Variants in ERCC3 observed in about 807,000 individuals in gnomAD.
The protein encoded by ERCC3 is general transcription and DNA repair factor IIH helicase/translocase subunit XPB.
Under a neutral mutation model 94.2 loss-of-function variants are expected in ERCC3, and 66 were observed. The ratio of observed to expected loss-of-function variants is 0.70; its 90% CI spans 0.57 to 0.86. The LOEUF (loss-of-function observed/expected upper bound fraction) is 0.86, where lower values mean the gene tolerates loss of function less well. ERCC3 is among the 40% of genes least tolerant of loss of function. ERCC3 has a pLI of 0.00. For missense variants in ERCC3, 829 were observed against 987.1 expected, an observed-to-expected ratio of 0.84 and a Z score of 2.15; for synonymous variants, 349 against 369.1, an observed-to-expected ratio of 0.95 and a Z score of 0.63.
chr2:127,287,356 GCCACGGTGGCTCAT>G (rs1315948247), intron 7 of ERCC3, among the ~76,000 whole-genome samples: 2 of 152,110 alleles, frequency 1.3e-5, no homozygotes, highest in African/African-American at 2.4e-5. Context: ...GAGCCACCAT[GCCACGGTGGCTCAT>G]ACCTGTAATC....
At chr2:127,272,827 G>T in intron 11 of ERCC3, 38 bp downstream of exon 11, 1 of 1,284,238 alleles carries the variant, frequency 7.8e-7, no homozygotes, top group Non-Finnish European at 1.1e-6. Context: ...TCCCCAGAGT[G>T]CTAGGGGCCT....
Position 127,294,110 on chromosome 2 carries a change from C to A in ERCC3, c.-29G>T. The stretch of plus-strand genomic sequence containing the variant: ...AGCTACAGCAGCAGAGAGAAGATGA[C>A]CCCGCTCCCACAGGCCCGCCGCGGC... On this transcript the variant is annotated 5_prime_UTR_variant, in exon 1 of 15. Transcript: ENST00000285398. The A allele has an allele frequency of 6.2e-7, 1 of 1,604,444 alleles. No homozygotes were observed. Among genetic ancestry groups the A allele is most frequent in the Non-Finnish European group, 8.5e-7 (1 of 1,178,828 alleles).
chr2:127,265,174 C>G (rs191938974), intron 12 of ERCC3, among the ~76,000 whole-genome samples: 2 of 152,048 alleles, frequency 1.3e-5, no homozygotes, highest in Admixed American at 6.6e-5. Flanking sequence ...ATTACTGATT[C>G]AATTTCTCCT....
In ERCC3 at chr2:127,259,555, A is replaced by G; in HGVS notation, c.2065-107T>C. On this transcript the variant is annotated intron_variant, in intron 13 of 14. Transcript: ENST00000285398. This position sits in a 1 kb window ranked among gnomAD's most constrained non-coding sequence, Gnocchi z 4.9. ...TTTGGTCACTTCCCTCCCCAGGCCC[A>G]GCCACCCTGGTGGCCAACAATGGAG... 6.8e-7 allele frequency: 1 copy of G among 1,479,526 alleles called. No homozygotes were observed. Among genetic ancestry groups the G allele is most frequent in the South Asian group, 1.1e-5 (1 of 88,034 alleles). 91.6% of individuals were successfully genotyped at this position (1,479,526 alleles called of 1,614,324 possible). A position where few individuals can be genotyped will look rare whatever the true frequency, so the allele number is the denominator to read the frequency against.
intron 3 of ERCC3, chr2:127,290,558 C>T (rs1271361335): frequency 6.2e-6 from 3 of 481,968 alleles, no homozygotes; most frequent in Admixed American, 3.2e-5. Flanking sequence ...TCTCTATTCC[C>T]ACAGCCCCCA....
intron 12 of ERCC3, among the ~76,000 whole-genome samples, chr2:127,269,424 T>TC (rs1480790378): frequency 6.8e-6 from 1 of 147,382 alleles, no homozygotes; most frequent in East Asian, 2.0e-4. Context: ...TCACTTTTTT[T>TC]TTTTTTTTTT....
chr2:127,265,562 G>A (rs1327940848), intron 12 of ERCC3, among the ~76,000 whole-genome samples: 3 of 152,152 alleles, frequency 2.0e-5, no homozygotes, highest in Non-Finnish European at 4.4e-5. Context: ...GGGATTACAA[G>A]CATGCGCCAC....
Position 127,258,516 on chromosome 2 carries a change from C to A in ERCC3, c.2217+780G>T, listed in dbSNP as rs186277931. 2.0e-5 allele frequency among the ~76,000 whole-genome samples: 3 copies of A among 152,132 alleles called. No individual in the cohort carries two copies. The highest frequency in any genetic ancestry group is 4.4e-5 in the Non-Finnish European group (3 of 68,010). The stretch of plus-strand genomic sequence containing the variant: ...GCAATGAGAGCACTCTCCTGGGTTC[C>A]CATGGAGAGTGCCCCCTGGGTCGGG... On this transcript the variant is annotated intron_variant, in intron 14 of 14. Transcript: ENST00000285398. The surrounding 1 kb of genome is among the most constrained non-coding windows in gnomAD (Gnocchi z 4.1).
intron 10 of ERCC3, among the ~76,000 whole-genome samples, chr2:127,276,971 G>A (rs765410050): frequency 1.3e-5 from 2 of 152,120 alleles, no homozygotes; most frequent in South Asian, 2.1e-4. Context: ...GTATAAAGTC[G>A]AGTAAAGACA....
intron 8 of ERCC3, among the ~76,000 whole-genome samples, chr2:127,282,534 T>C (rs2104764842): frequency 6.6e-6 from 1 of 152,278 alleles, no homozygotes; most frequent in Non-Finnish European, 1.5e-5. Flanking sequence ...TTTTGAAAAA[T>C]CTGTAAAACA....
intron 10 of ERCC3, among the ~76,000 whole-genome samples, chr2:127,276,515 A>G (rs566285159): frequency 6.6e-6 from 1 of 152,350 alleles, no homozygotes; most frequent in East Asian, 1.9e-4. Flanking sequence ...AAACAAAACA[A>G]GAACAGTTAC....
chr2:127,285,183 A>G (rs1685026339), intron 8 of ERCC3, among the ~76,000 whole-genome samples: 1 of 152,240 alleles, frequency 6.6e-6, no homozygotes. Flanking sequence ...AAGCAAATCT[A>G]TAGTGACAGC....
At position 127,280,549 on chromosome 2, in the gene ERCC3, G is replaced by C. The variant is rs2104761994; in HGVS notation, c.1425C>G (p.Asp475Glu). 1 of 1,614,188 alleles carries C rather than the reference G, an allele frequency of 6.2e-7. No homozygotes were observed. The highest frequency in any genetic ancestry group is 8.5e-7 in the Non-Finnish European group (1 of 1,180,024). ...TCAGAAAATTTAAATCCACAATTTT[G>C]TCATCTTCGCGGACGAGGGTCGCAG... Reference protein sequence around the residue: ...GLTATLVREDDKIVDLNFLIG... With the variant: ...GLTATLVREDEKIVDLNFLIG... Residue 475 changes from aspartate (D) to glutamate (E), a missense_variant, in exon 9 of 15, where the codon GAC becomes GAG. Coordinates refer to ENST00000285398, the MANE Select transcript of ERCC3 (RefSeq NM_000122.2). The surrounding 1 kb of genome is among the most constrained non-coding windows in gnomAD (Gnocchi z 6.3).
intron 12 of ERCC3, among the ~76,000 whole-genome samples, chr2:127,263,962 G>A (rs865876785): frequency 2.6e-5 from 4 of 151,936 alleles, no homozygotes; most frequent in South Asian, 2.1e-4. Flanking sequence ...CGCCCACCTC[G>A]GCCTCCCAAA....
intron 7 of ERCC3, among the ~76,000 whole-genome samples, chr2:127,287,348 G>A (rs1233308018): frequency 1.3e-5 from 2 of 152,004 alleles, no homozygotes; most frequent in African/African-American, 4.8e-5. Flanking sequence ...ACCTGGCTGA[G>A]CCACCATGCC....
intron 6 of ERCC3, 106 bp downstream of exon 6, chr2:127,289,231 G>T: frequency 1.0e-6 from 1 of 994,278 alleles, no homozygotes; most frequent in Non-Finnish European, 1.6e-6. Flanking sequence ...GGGACCAACA[G>T]GGACTCCTTC....
rs574254735 is a variant in ERCC3, at chr2:127,257,906, C to T, written c.2218-179G>A. 2.6e-5 allele frequency among the ~76,000 whole-genome samples: 4 copies of T among 152,284 alleles called. No homozygotes were observed. In the East Asian group the frequency reaches 5.8e-4, roughly 22 times the overall value. On this transcript the variant is annotated intron_variant, in intron 14 of 14. Transcript: ENST00000285398. The surrounding 1 kb of genome is among the most constrained non-coding windows in gnomAD (Gnocchi z 5.4). ...GTTCTAAGCATTTTACATGCATTAT[C>T]TCCTCTAATCCTCAAAACTACTATA...
At chr2:127,292,392 C>G in intron 3 of ERCC3, 1 of 620,032 alleles carries the variant, frequency 1.6e-6, no homozygotes, top group Non-Finnish European at 2.9e-6. Flanking sequence ...GAACACAATG[C>G]TGGATCCAGA....
Position 127,271,508 on chromosome 2 carries a change from G to A in ERCC3, c.1828-55C>T. ...TATGAGGAAAAAAAAAAAGTCAACT[G>A]ATCCAGAATTTAAATAAGTTCTGTA... On this transcript the variant is annotated intron_variant, in intron 11 of 14. Transcript: ENST00000285398. This position sits in a 1 kb window ranked among gnomAD's most constrained non-coding sequence, Gnocchi z 5.0. 1 of 1,152,794 alleles carries A rather than the reference G, an allele frequency of 8.7e-7. No individual in the cohort carries two copies. The highest frequency in any genetic ancestry group is 1.2e-5 in the South Asian group (1 of 81,174). 71.4% of individuals were successfully genotyped at this position (1,152,794 alleles called of 1,614,324 possible). A position where few individuals can be genotyped will look rare whatever the true frequency, so the allele number is the denominator to read the frequency against.
Sources: allele counts gnomAD v4.1 joint callset (sites outside exome capture counted in the v4.1 genomes callset), GRCh38; gene constraint gnomAD v4.1.1; non-coding constraint Gnocchi (gnomAD v3.1); transcripts MANE v1.5; gene names NCBI Gene and HGNC (gene_info 2026-07-23, HGNC 2026-07-21).